Variants in SLCO1B1 observed in about 807,000 individuals in gnomAD.
SLCO1B1 encodes solute carrier organic anion transporter family member 1B1, also known as OATP-2.
A neutral mutation model predicts 70.1 loss-of-function variants in SLCO1B1; 81 were observed. The observed-to-expected ratio is 1.16, with a 90% confidence interval of 0.97 to 1.39. SLCO1B1 has a LOEUF of 1.39. Among genes scored for constraint, SLCO1B1 ranks in the 40% most tolerant of loss-of-function variants. The probability of loss-of-function intolerance (pLI) is 0.00; values close to 1 mark genes in which losing one functional copy is unlikely to be tolerated. For missense variants in SLCO1B1, 895 were observed against 799.6 expected (o/e 1.12, Z -1.44); for synonymous variants, 283 against 271.5 (o/e 1.04, Z -0.42).
rs7975393 is a variant in SLCO1B1, at chr12:21,181,125, C to T, written c.727+2105C>T. 2.7e-3 allele frequency among the ~76,000 whole-genome samples: 412 copies of T among 152,272 alleles called. 4 individuals are homozygous for T. The highest frequency in any genetic ancestry group is 9.5e-3 in the African/African-American group (396 of 41,548). On this transcript the variant is annotated intron_variant, in intron 7 of 14. Transcript: ENST00000256958. ...CCATGCATCCAAAAGCACTTGTGTT[C>T]CTCAGCTCTGGCCTATTCTTTTAAT...
intron 3 of SLCO1B1, 32 bp from the exon 4 acceptor site, chr12:21,174,545 G>T: frequency 6.2e-7 from 1 of 1,609,108 alleles, no homozygotes; most frequent in Non-Finnish European, 8.5e-7. Flanking sequence ...ATTGAACTAA[G>T]CTGTATCAAC....
intron 7 of SLCO1B1, 61 bp downstream of exon 7, chr12:21,179,081 AT>A: frequency 1.0e-6 from 1 of 1,003,378 alleles, no homozygotes; most frequent in South Asian, 1.3e-5. Flanking sequence ...TGCGAAAAAC[AT>A]TTTTTCAAAT....
At chr12:21,220,005 C>T (rs1489763179) in intron 12 of SLCO1B1, among the ~76,000 whole-genome samples, 2 of 152,156 alleles carry the variant, frequency 1.3e-5, no homozygotes, top group Non-Finnish European at 2.9e-5. Flanking sequence ...AAGTGATCTG[C>T]TAGCCTCTGC....
chr12:21,209,180 G>A (rs1455929332), intron 11 of SLCO1B1, among the ~76,000 whole-genome samples: 3 of 151,756 alleles, frequency 2.0e-5, no homozygotes, highest in Non-Finnish European at 4.4e-5. Flanking sequence ...CTAGCATTAG[G>A]TATATCTCCC....
At chr12:21,151,039 G>T (rs1186942904) in intron 2 of SLCO1B1, among the ~76,000 whole-genome samples, 1 of 152,172 alleles carries the variant, frequency 6.6e-6, no homozygotes, top group South Asian at 2.1e-4. Context: ...ATCTTAGCGT[G>T]TACATACATA....
At chr12:21,199,246 C>G (rs746505382) in intron 8 of SLCO1B1, among the ~76,000 whole-genome samples, 1 of 152,130 alleles carries the variant, frequency 6.6e-6, no homozygotes, top group African/African-American at 2.4e-5. Flanking sequence ...AAGTCCGTAT[C>G]ATCCAACTCT....
Position 21,150,153 on chromosome 12 carries a change from C to T in SLCO1B1, c.84+8495C>T, listed in dbSNP as rs1940450646. 4.6e-5 allele frequency among the ~76,000 whole-genome samples: 7 copies of T among 152,294 alleles called. No homozygotes were observed. The South Asian group carries it at 1.2e-3, about 27-fold the overall frequency. ...CAGACTGCCTCTCTAGATTCCTCCT[C>T]TCTGGGCAGGGCATCTCTTAAAGAA... is the stretch of plus-strand genomic sequence containing the variant. On this transcript the variant is annotated intron_variant, in intron 2 of 14. Transcript: ENST00000256958.
At chr12:21,199,260 T>G (rs1941129809) in intron 8 of SLCO1B1, among the ~76,000 whole-genome samples, 1 of 152,162 alleles carries the variant, frequency 6.6e-6, no homozygotes, top group Non-Finnish European at 1.5e-5. Context: ...CAACTCTCAG[T>G]AACCATATCT....
chr12:21,214,251 C>G (rs1289734560), intron 11 of SLCO1B1, among the ~76,000 whole-genome samples: 1 of 151,930 alleles, frequency 6.6e-6, no homozygotes, highest in Admixed American at 6.6e-5. Flanking sequence ...GTGTGGATGT[C>G]GTTTCTGTTT....
chr12:21,219,669 A>G (rs1750892534), intron 12 of SLCO1B1, among the ~76,000 whole-genome samples: 1 of 152,218 alleles, frequency 6.6e-6, no homozygotes, highest in African/African-American at 2.4e-5. Context: ...TGGAAGCTTG[A>G]TTGAGAATGC....
chr12:21,226,406 T>C (rs1279821786), intron 14 of SLCO1B1, among the ~76,000 whole-genome samples: 1 of 149,664 alleles, frequency 6.7e-6, no homozygotes, highest in East Asian at 2.0e-4. Context: ...AGAGCGAGAC[T>C]CTGTCTCAAA....
In SLCO1B1 at chr12:21,239,198, A is replaced by C. The variant is rs560395353; in HGVS notation, c.*9A>C. 7.6e-6 allele frequency: 12 copies of C among 1,583,774 alleles called. No individual in the cohort carries two copies. In the South Asian group the frequency reaches 1.2e-4, roughly 16 times the overall value. ...GTGAAACACATTGTTAAGGGGAGAA[A>C]AAAAGCCACTTCTGCTTCTGTGTTT... On this transcript the variant is annotated 3_prime_UTR_variant, in exon 15 of 15. Coordinates refer to ENST00000256958, the MANE Select transcript of SLCO1B1 (RefSeq NM_006446.5).
At chr12:21,171,865 G>A (rs1263317093) in intron 2 of SLCO1B1, among the ~76,000 whole-genome samples, 1 of 152,018 alleles carries the variant, frequency 6.6e-6, no homozygotes, top group African/African-American at 2.4e-5. Context: ...GAGAGAAATA[G>A]AGGGAATCCC....
chr12:21,163,706 C>A (rs1940650615), intron 2 of SLCO1B1, among the ~76,000 whole-genome samples: 1 of 152,092 alleles, frequency 6.6e-6, no homozygotes, highest in African/African-American at 2.4e-5. Flanking sequence ...GAAGTGAGTT[C>A]TCTTCTTAAA....
At chr12:21,238,439 G>T (rs1163347204) in intron 14 of SLCO1B1, among the ~76,000 whole-genome samples, 2 of 151,288 alleles carry the variant, frequency 1.3e-5, no homozygotes, top group Non-Finnish European at 2.9e-5. Context: ...ATCTAGGTCT[G>T]GTTTAAAGCT....
intron 8 of SLCO1B1, among the ~76,000 whole-genome samples, chr12:21,197,445 A>G (rs1402804552): frequency 6.6e-6 from 1 of 152,130 alleles, no homozygotes; most frequent in African/African-American, 2.4e-5. Flanking sequence ...TCCATTTTTT[A>G]TGAGCCAAAT....
At chr12:21,185,870 C>T (rs910807913) in intron 7 of SLCO1B1, among the ~76,000 whole-genome samples, 2 of 151,884 alleles carry the variant, frequency 1.3e-5, no homozygotes, top group East Asian at 3.9e-4. Context: ...TAAGCACAAT[C>T]GGAAATGACA....
Position 21,168,281 on chromosome 12 carries a change from C to T in SLCO1B1, c.85-4369C>T, listed in dbSNP as rs1219878150. On this transcript the variant is annotated intron_variant, in intron 2 of 14. Transcript: ENST00000256958. ...ATAATATTCCATTGTGTATGTATAC[C>T]ACATTTTCTTTATTCATTCATCAGT... Among the ~76,000 whole-genome samples the T allele has an allele frequency of 1.2e-4, 18 of 151,742 alleles. 1 individual carries two copies. The highest frequency in any genetic ancestry group is 1.2e-3 in the Admixed American group (18 of 15,212).
At chr12:21,195,461 C>T (rs1468157407) in intron 7 of SLCO1B1, among the ~76,000 whole-genome samples, 1 of 152,106 alleles carries the variant, frequency 6.6e-6, no homozygotes, top group Non-Finnish European at 1.5e-5. Flanking sequence ...TTTACCTCCT[C>T]ACTCTGCATA....
Sources: allele counts gnomAD v4.1 joint callset (sites outside exome capture counted in the v4.1 genomes callset), GRCh38; gene constraint gnomAD v4.1.1; transcripts MANE v1.5; gene names NCBI Gene and HGNC (gene_info 2026-07-23, HGNC 2026-07-21).